The following CCDC3 variants were observed in gnomAD, a reference collection of about 807,000 sequenced individuals.
CCDC3 encodes coiled-coil domain-containing protein 3.
In CCDC3, 24 loss-of-function variants were observed where a neutral mutation model predicts 21.4. The observed-to-expected ratio is 1.12, with a 90% CI of 0.81 to 1.58. The LOEUF (loss-of-function observed/expected upper bound fraction) is 1.58, where lower values mean the gene tolerates loss of function less well. Ranked by LOEUF, CCDC3 falls within the 40% of genes most tolerant of loss-of-function variation. CCDC3 has a pLI of 0.00. For missense variants in CCDC3, 425 were observed against 360.9 expected (o/e 1.18, Z -1.44); for synonymous variants, 186 against 166.0 (o/e 1.12, Z -0.93).
At chr10:13,032,092 A>G (rs572133082) in intron 5 of CCDC3, among the ~76,000 whole-genome samples, 3 of 152,346 alleles carry the variant, frequency 2.0e-5, no homozygotes, top group South Asian at 2.1e-4. Context: ...AAAATCCTCA[A>G]TAAAATACTG....
At chr10:12,924,207 T>C (rs1834498089) in intron 2 of CCDC3, among the ~76,000 whole-genome samples, 1 of 152,366 alleles carries the variant, frequency 6.6e-6, no homozygotes, top group Middle Eastern at 3.4e-3. Flanking sequence ...GTATATTCTG[T>C]AGTCCAACTC....
rs1238075672 is a variant in CCDC3, at chr10:12,897,991, C to G, written c.*425G>C. 1 of 158,364 alleles carries G rather than the reference C, an allele frequency of 6.3e-6. No homozygotes were observed. Among genetic ancestry groups the G allele is most frequent in the African/African-American group, 2.4e-5 (1 of 41,664 alleles). The allele number at this position is 158,364 out of a possible 1,614,324, so 9.8% of individuals were successfully genotyped here. On this transcript the variant is annotated 3_prime_UTR_variant, in exon 3 of 3. Transcript: ENST00000378825. ...GCAGGTTCCAGCACCAGCGTCAGCT[C>G]ACTCATCAGGACTAATGGTTGTCCT...
In CCDC3 at chr10:13,070,563, A is replaced by G. The variant is rs1836870108; in HGVS notation, c.-270+3305T>C. The stretch of plus-strand genomic sequence containing the variant: ...TAACCTGCGGTAGGTAAAGAATGTC[A>G]CTTTCCAACAGACCCAGGGACCATA... On this transcript the variant is annotated intron_variant, in intron 4 of 6. Coordinates refer to the CCDC3 transcript ENST00000378839. Among the ~76,000 whole-genome samples the G allele has an allele frequency of 3.3e-5, 5 of 152,184 alleles. 1 individual carries two copies. The South Asian group carries it at 8.3e-4, about 25-fold the overall frequency.
intron 2 of CCDC3, among the ~76,000 whole-genome samples, chr10:12,928,196 G>A (rs1445986278): frequency 6.6e-6 from 1 of 152,164 alleles, no homozygotes; most frequent in Non-Finnish European, 1.5e-5. Context: ...AGGTTAGTCA[G>A]CCAGTACTAC....
chr10:12,933,454 C>CTTTTTTTTTTT (rs545950029), intron 2 of CCDC3, among the ~76,000 whole-genome samples: 3 of 115,830 alleles, frequency 2.6e-5, no homozygotes, highest in African/African-American at 6.3e-5. Flanking sequence ...ATAATATTCC[C>CTTTTTTTTTTT]TTTATTTTTT....
At position 13,089,488 on chromosome 10, in the gene CCDC3, G is replaced by A. The variant is rs148668181; in HGVS notation, c.-503+9037C>T. ...CCATTCCTCGGGGTACTCTGGCCCCGGACACCTTCAATGCCCTCTCCTTCC... is the reference window on the plus strand; with the variant it reads ...CCATTCCTCGGGGTACTCTGGCCCCAGACACCTTCAATGCCCTCTCCTTCC... On this transcript the variant is annotated intron_variant, in intron 3 of 6. Coordinates refer to the CCDC3 transcript ENST00000378839. 1.8e-3 allele frequency among the ~76,000 whole-genome samples: 268 copies of A among 151,960 alleles called. 2 individuals carry two copies. Among genetic ancestry groups the A allele is most frequent in the African/African-American group, 5.9e-3 (245 of 41,452 alleles).
intron 2 of CCDC3, among the ~76,000 whole-genome samples, chr10:12,992,304 C>T (rs756633546): frequency 3.3e-5 from 5 of 152,092 alleles, no homozygotes; most frequent in East Asian, 1.9e-4. Flanking sequence ...GCATGAGAAT[C>T]GCTTGAACCT....
In CCDC3 at chr10:13,042,093, CAT is replaced by C. The variant is rs1302544602; in HGVS notation, c.-2+7579_-2+7580del. Among the ~76,000 whole-genome samples the C allele has an allele frequency of 5.9e-5, 9 of 152,194 alleles. 1 individual carries two copies. Among genetic ancestry groups the C allele is most frequent in the Admixed American group, 5.2e-4 (8 of 15,284 alleles). ...AAACAATGAGATGTCGTGGATGAAA[CAT>C]AGAGTTTGAAGACCAATAGCCTGGA... is the stretch of plus-strand genomic sequence containing the variant. On this transcript the variant is annotated intron_variant, in intron 5 of 6. Coordinates refer to the CCDC3 transcript ENST00000378839.
intron 2 of CCDC3, among the ~76,000 whole-genome samples, chr10:12,912,196 T>C (rs1020809682): frequency 2.0e-5 from 3 of 152,210 alleles, no homozygotes; most frequent in Non-Finnish European, 2.9e-5. Context: ...TCTTAATTTT[T>C]TGAGAAAACT....
chr10:12,998,232 A>G, intron 2 of CCDC3, 106 bp downstream of exon 2: 1 of 1,278,826 alleles, frequency 7.8e-7, no homozygotes, highest in Admixed American at 2.2e-5. Context: ...ATACTCTCTG[A>G]TCTGGGCTTT....
At chr10:12,934,660 C>G (rs1000710802) in intron 2 of CCDC3, among the ~76,000 whole-genome samples, 1 of 152,102 alleles carries the variant, frequency 6.6e-6, no homozygotes, top group Non-Finnish European at 1.5e-5. Flanking sequence ...AATCATTATG[C>G]CTTCTTGGAG....
Position 13,001,194 on chromosome 10 carries a change from C to T in CCDC3, c.374+3G>A, listed in dbSNP as rs1219087676. 7.7e-6 allele frequency: 12 copies of T among 1,549,540 alleles called. No individual in the cohort carries two copies. The highest frequency in any genetic ancestry group is 1.0e-5 in the Non-Finnish European group (12 of 1,146,714). On this transcript the variant is annotated splice_donor_region_variant and intron_variant, in intron 1 of 2. Coordinates refer to ENST00000378825, the MANE Select transcript of CCDC3 (RefSeq NM_031455.4). ...GAGGTGGCGGCGGCGCCGCCGGGCT[C>T]ACCTGAGGAAGAAGAAATAGGAGTA...
In CCDC3 at chr10:13,008,299, G is replaced by T. The variant is rs143929984; in HGVS notation, c.-1-9787C>A. Among the ~76,000 whole-genome samples the T allele has an allele frequency of 1.4e-4, 22 of 152,300 alleles. 1 individual carries two copies. In the East Asian group the frequency reaches 3.9e-3, roughly 27 times the overall value. On this transcript the variant is annotated intron_variant, in intron 5 of 6. Coordinates refer to the CCDC3 transcript ENST00000378839. ...GTGAAAGGGCATGACCCAGTTCAGA[G>T]AATCAGAGCATGGTTAGGGTGAGAT...
chr10:12,962,510 G>A (rs778934122), intron 2 of CCDC3, among the ~76,000 whole-genome samples: 1 of 152,194 alleles, frequency 6.6e-6, no homozygotes, highest in Non-Finnish European at 1.5e-5. Context: ...GGCTGAGGCA[G>A]GAGAATTGCT....
chr10:12,966,598 G>A lies in CCDC3; in HGVS notation c.549+31740C>T, dbSNP rs576080191. Among the ~76,000 whole-genome samples the A allele has an allele frequency of 3.8e-4, 58 of 152,256 alleles. 1 individual carries two copies. Among genetic ancestry groups the A allele is most frequent in the Admixed American group, 2.6e-4 (4 of 15,304 alleles). The stretch of plus-strand genomic sequence containing the variant: ...CGAAGCAGAAAATTTTAGAGCATCA[G>A]ACACGCCCCAGACATGGGCTACGGT... On this transcript the variant is annotated intron_variant, in intron 2 of 2. Transcript: ENST00000378825.
At chr10:12,986,736 G>C (rs1355332678) in intron 2 of CCDC3, among the ~76,000 whole-genome samples, 1 of 150,020 alleles carries the variant, frequency 6.7e-6, no homozygotes, top group African/African-American at 2.5e-5. Flanking sequence ...TCGTGCCACT[G>C]CACCCCAGCC....
At chr10:12,955,052 C>T (rs1835062604) in intron 2 of CCDC3, among the ~76,000 whole-genome samples, 1 of 152,048 alleles carries the variant, frequency 6.6e-6, no homozygotes, top group Non-Finnish European at 1.5e-5. Context: ...CATCACACAC[C>T]ACCCACAAGA....
chr10:12,985,466 C>T (rs1455799481), intron 2 of CCDC3, among the ~76,000 whole-genome samples: 1 of 152,210 alleles, frequency 6.6e-6, no homozygotes, highest in Non-Finnish European at 1.5e-5. Context: ...CTACACAACA[C>T]TCTGTACGTG....
chr10:12,986,241 GCA>G (rs923105313), intron 2 of CCDC3, among the ~76,000 whole-genome samples: 6 of 152,170 alleles, frequency 3.9e-5, no homozygotes, highest in Admixed American at 1.3e-4. Context: ...TAATAAACTT[GCA>G]CAGAGTTTTA....
Sources: allele counts gnomAD v4.1 joint callset (sites outside exome capture counted in the v4.1 genomes callset), GRCh38; gene constraint gnomAD v4.1.1; transcripts MANE v1.5; gene names NCBI Gene and HGNC (gene_info 2026-07-23, HGNC 2026-07-21).